Variants in RNF168 observed in about 807,000 individuals in gnomAD.
RNF168 encodes the protein ring finger protein 168, also known as E3 ubiquitin-protein ligase RNF168.
A neutral mutation model predicts 34.9 loss-of-function variants in RNF168; 34 were observed. The ratio of observed to expected loss-of-function variants is 0.97; its 90% CI spans 0.74 to 1.30. The LOEUF is 1.30. RNF168 is among the 50% of genes most tolerant of loss of function. The pLI is 0.00. For synonymous variants in RNF168, 264 were observed against 254.7 expected, an observed-to-expected ratio of 1.04 and a Z score of -0.35; for missense variants, 725 against 682.5, an observed-to-expected ratio of 1.06 and a Z score of -0.69.
At chr3:196,487,707 C>T in intron 2 of RNF168, 129 bp from the exon 3 acceptor site, 2 of 899,248 alleles carry the variant, frequency 2.2e-6, no homozygotes, top group Admixed American at 2.0e-5. Flanking sequence ...AAATGAAGTA[C>T]AAATCTGGAG....
intron 2 of RNF168, 64 bp from the exon 3 acceptor site, chr3:196,487,642 T>C (rs935505561): frequency 5.6e-6 from 8 of 1,432,858 alleles, no homozygotes; most frequent in African/African-American, 2.8e-5. Context: ...CAATATTTCA[T>C]AACAAGAATA....
intron 1 of RNF168, among the ~76,000 whole-genome samples, chr3:196,495,938 T>C (rs971830038): frequency 1.3e-5 from 2 of 152,234 alleles, no homozygotes; most frequent in Non-Finnish European, 2.9e-5. Flanking sequence ...ACTAATTCAC[T>C]TTCAAATACT....
At chr3:196,484,778 C>T (rs1385467303) in intron 3 of RNF168, among the ~76,000 whole-genome samples, 1 of 151,876 alleles carries the variant, frequency 6.6e-6, no homozygotes, top group Non-Finnish European at 1.5e-5. Context: ...CTTAGCTTCT[C>T]GAGTAGCTAG....
Position 196,472,364 on chromosome 3 carries a change from G to A in RNF168, c.1171C>T (p.Gln391Ter). 2 of 1,613,924 alleles carry A rather than the reference G, an allele frequency of 1.2e-6. No homozygotes were observed. The highest frequency in any genetic ancestry group is 1.7e-6 in the Non-Finnish European group (2 of 1,179,972). Residue 391 changes from glutamine to a stop codon, truncating the protein, a stop_gained, in exon 6 of 6, where the codon CAA becomes TAA. Transcript: ENST00000318037. LOFTEE classifies it low-confidence loss of function (END_TRUNC). ...TTGACTGCTTCAAAGGAAGATTCTT[G>A]GTTTTTTCTTTTGGAAATCTCCTTA... ...ISKEISKRKN[Q>*]ESSFEAVKDP...
At chr3:196,484,169 T>C (rs1732362770) in intron 3 of RNF168, among the ~76,000 whole-genome samples, 1 of 120,220 alleles carries the variant, frequency 8.3e-6, no homozygotes, top group Admixed American at 8.0e-5. Flanking sequence ...GATCTTTCTT[T>C]CCTTTTTTTT....
rs57647149 is a variant in RNF168 at position 196,471,196 on chromosome 3, C to CAAAAAAAAAAAAAAAAAAA, written c.*604_*622dup. 4.9e-5 allele frequency: 2 copies of CAAAAAAAAAAAAAAAAAAA among 40,638 alleles called. No homozygotes were observed. Among genetic ancestry groups the CAAAAAAAAAAAAAAAAAAA allele is most frequent in the Non-Finnish European group, 4.5e-5 (1 of 22,422 alleles). 2.5% of individuals were successfully genotyped at this position (40,638 alleles called of 1,614,324 possible). A position where few individuals can be genotyped will look rare whatever the true frequency, so the allele number is the denominator to read the frequency against. On this transcript the variant is annotated 3_prime_UTR_variant, in exon 6 of 6. Coordinates refer to ENST00000318037, the MANE Select transcript of RNF168 (RefSeq NM_152617.4). ...GCGTGACAGAGCAAGACTCTGTCTC[C>CAAAAAAAAAAAAAAAAAAA]AAAAAAAAAAAAAAAAAAAAAAAAA...
At chr3:196,498,536 TACAC>T (rs1243778501) in intron 1 of RNF168, among the ~76,000 whole-genome samples, 1 of 152,044 alleles carries the variant, frequency 6.6e-6, no homozygotes, top group African/African-American at 2.4e-5. Flanking sequence ...AGGCCACACA[TACAC>T]ACACAGAGAC....
At chr3:196,501,690 TA>T (rs1732890419) in intron 1 of RNF168, among the ~76,000 whole-genome samples, 1 of 152,200 alleles carries the variant, frequency 6.6e-6, no homozygotes, top group Non-Finnish European at 1.5e-5. Context: ...TAAAAATGGT[TA>T]AAATGTCAGT....
rs139447219 is a variant in RNF168, at chr3:196,487,575, C to A, written c.382G>T (p.Ala128Ser). ...REYEEEISKV[A>S]AERRASEEEE... Reference sequence around the variant, plus strand: ...TCCTCGCTGGCCCGTCGCTCTGCCGCCACCTTAAAAGTGATTAATAAAGAG... The same window carrying A: ...TCCTCGCTGGCCCGTCGCTCTGCCGACACCTTAAAAGTGATTAATAAAGAG... Residue 128 changes from alanine to serine, a missense_variant, in exon 3 of 6, where the codon GCG (alanine) becomes TCG (serine). Ala to Ser is a moderately conservative substitution (Grantham distance 99). Coordinates refer to ENST00000318037, the MANE Select transcript of RNF168 (RefSeq NM_152617.4). 1 of 1,613,910 alleles carries A rather than the reference C, an allele frequency of 6.2e-7. No homozygotes were observed. Among genetic ancestry groups the A allele is most frequent in the Non-Finnish European group, 8.5e-7 (1 of 1,179,934 alleles).
chr3:196,482,478 T>G (rs1449096553), intron 4 of RNF168, among the ~76,000 whole-genome samples: 1 of 152,220 alleles, frequency 6.6e-6, no homozygotes, highest in East Asian at 1.9e-4. Flanking sequence ...GTGGAATTGC[T>G]GGGTCATATG....
rs1409179889 is a variant in RNF168, at chr3:196,471,293, A to T, written c.*526T>A. 2 of 151,402 alleles carry T rather than the reference A, an allele frequency of 1.3e-5. No homozygotes were observed. Among genetic ancestry groups the T allele is most frequent in the East Asian group, 3.9e-4 (2 of 5,182 alleles). 9.4% of individuals were successfully genotyped at this position (151,402 alleles called of 1,614,324 possible). A position where few individuals can be genotyped will look rare whatever the true frequency, so the allele number is the denominator to read the frequency against. On this transcript the variant is annotated 3_prime_UTR_variant, in exon 6 of 6. Transcript: ENST00000318037. ...GAAACTCCGTCTAAAAAAAAAAAAC[A>T]AACACCAAAGGAAATGCTACAATGC...
At chr3:196,494,093 C>T (rs1245628296) in intron 1 of RNF168, among the ~76,000 whole-genome samples, 1 of 119,398 alleles carries the variant, frequency 8.4e-6, no homozygotes, top group Non-Finnish European at 1.7e-5. Context: ...AAGCGATTTG[C>T]CTGCCTTGAA....
chr3:196,493,760 T>TCAA lies in RNF168; in HGVS notation c.302-5078_302-5077insTTG, dbSNP rs1161800880. Among the ~76,000 whole-genome samples the TCAA allele has an allele frequency of 1.2e-4, 18 of 152,032 alleles. 1 individual carries two copies. The highest frequency in any genetic ancestry group is 4.3e-4 in the African/African-American group (18 of 41,492). The stretch of plus-strand genomic sequence containing the variant: ...CCAGGCTGGTCTTGAACTCCTGACC[T>TCAA]CAGGTGATCCACCTGCCTTCCAAAG... On this transcript the variant is annotated intron_variant, in intron 1 of 5. Transcript: ENST00000318037.
chr3:196,502,753 A>ATT (rs1732932326), intron 1 of RNF168, 120 bp downstream of exon 1: 2 of 862,868 alleles, frequency 2.3e-6, no homozygotes, highest in Admixed American at 4.0e-5. Flanking sequence ...TCTGAGAACT[A>ATT]TTTAGACAAA....
intron 1 of RNF168, among the ~76,000 whole-genome samples, chr3:196,494,957 A>G (rs1282742234): frequency 6.6e-6 from 1 of 152,168 alleles, no homozygotes; most frequent in Non-Finnish European, 1.5e-5. Flanking sequence ...CGGGCGGTGG[A>G]GGGTACAGTG....
At chr3:196,489,579 A>G (rs879407923) in intron 1 of RNF168, among the ~76,000 whole-genome samples, 10 of 151,466 alleles carry the variant, frequency 6.6e-5, no homozygotes, top group South Asian at 6.3e-4. Flanking sequence ...TGCTCACCTC[A>G]GCCTCCCAAA....
At chr3:196,491,991 G>A (rs955230840) in intron 1 of RNF168, among the ~76,000 whole-genome samples, 1 of 152,136 alleles carries the variant, frequency 6.6e-6, no homozygotes, top group Non-Finnish European at 1.5e-5. Context: ...GGGGTGAATG[G>A]GGAATTAATT....
At position 196,471,229 on chromosome 3, in the gene RNF168, A is replaced by AAAAC. The variant is rs1731995826; in HGVS notation, c.*589_*590insGTTT. ...AAAAAAAAAAAAAAAAAAAAAAAAA[A>AAAAC]TCTGGGATTTCCCACATATGAATAT... On this transcript the variant is annotated 3_prime_UTR_variant, in exon 6 of 6. Transcript: ENST00000318037. 2.8e-5 allele frequency: 4 copies of AAAAC among 142,266 alleles called. No homozygotes were observed. Among genetic ancestry groups the AAAAC allele is most frequent in the East Asian group, 1.9e-4 (1 of 5,132 alleles). 8.8% of individuals were successfully genotyped at this position (142,266 alleles called of 1,614,324 possible). A position where few individuals can be genotyped will look rare whatever the true frequency, so the allele number is the denominator to read the frequency against.
intron 3 of RNF168, 43 bp downstream of exon 3, chr3:196,487,356 A>G: frequency 2.0e-6 from 3 of 1,521,280 alleles, no homozygotes; most frequent in Non-Finnish European, 2.7e-6. Flanking sequence ...AGCAGCGCAT[A>G]CCAAGGGATG....
Sources: gnomAD v4.1 joint callset for allele counts (sites outside exome capture counted in the v4.1 genomes callset) on GRCh38, gnomAD v4.1.1 for gene constraint, MANE v1.5 for transcripts, NCBI Gene and HGNC (gene_info 2026-07-23, HGNC 2026-07-21) for gene names.